Variants in BRD7 observed in about 807,000 individuals in gnomAD.
BRD7 encodes bromodomain-containing protein 7.
BRD7 carries 15 observed loss-of-function variants against 82.1 expected under a neutral mutation model. The ratio of observed to expected loss-of-function variants is 0.18; its 90% confidence interval spans 0.12 to 0.28. BRD7 has a LOEUF of 0.28. BRD7 is among the 10% of genes least tolerant of loss of function. The pLI, the probability that BRD7 is intolerant of heterozygous loss-of-function variation, is 1.00. For missense variants in BRD7, 638 were observed against 779.9 expected (o/e 0.82, Z 2.17); for synonymous variants, 232 against 266.9 (o/e 0.87, Z 1.27).
At chr16:50,350,900 G>A (rs978181935) in intron 4 of BRD7, among the ~76,000 whole-genome samples, 8 of 152,162 alleles carry the variant, frequency 5.3e-5, no homozygotes, top group African/African-American at 1.9e-4. Flanking sequence ...AAGCTCTTGG[G>A]GAAGAAGGGT....
intron 2 of BRD7, among the ~76,000 whole-genome samples, chr16:50,364,662 G>A (rs868726420): frequency 1.3e-5 from 2 of 152,274 alleles, no homozygotes; most frequent in South Asian, 2.1e-4. Context: ...TGGAACACAG[G>A]GGGGAGAACA....
intron 2 of BRD7, among the ~76,000 whole-genome samples, chr16:50,364,997 C>T (rs1028233077): frequency 1.3e-5 from 2 of 152,256 alleles, no homozygotes; most frequent in Admixed American, 6.5e-5. Flanking sequence ...CACGTCAACA[C>T]ACTTGGGAGA....
intron 2 of BRD7, among the ~76,000 whole-genome samples, chr16:50,363,472 C>T (rs2039005341): frequency 6.6e-6 from 1 of 152,108 alleles, no homozygotes; most frequent in African/African-American, 2.4e-5. Context: ...CACGTTGTAC[C>T]CCTAATGCTT....
At chr16:50,368,406 T>G (rs1400315372) in intron 1 of BRD7, 108 bp from the exon 2 acceptor site, 1 of 1,223,754 alleles carries the variant, frequency 8.2e-7, no homozygotes, top group East Asian at 2.5e-5. Context: ...CGAGGCGGCT[T>G]TGGGCGCTCC....
In BRD7 at chr16:50,328,657, C is replaced by A; in HGVS notation, c.1087+12G>T. On this transcript the variant is annotated intron_variant, in intron 9 of 16. Coordinates refer to ENST00000394688, the MANE Select transcript of BRD7 (RefSeq NM_013263.5). ...AGCATCAAGTTCATGCACAGTTTTA[C>A]TCTGATCCTACCTCCTACAATGGGA... is the stretch of plus-strand genomic sequence containing the variant. 1 of 1,610,544 alleles carries A rather than the reference C, an allele frequency of 6.2e-7. No homozygotes were observed.
At chr16:50,335,494 C>T (rs2037759602) in intron 6 of BRD7, among the ~76,000 whole-genome samples, 1 of 152,188 alleles carries the variant, frequency 6.6e-6, no homozygotes, top group Admixed American at 6.5e-5. Context: ...TAATTTTTCG[C>T]TGCAATGATG....
At chr16:50,349,557 T>G in intron 5 of BRD7, 1 of 469,760 alleles carries the variant, frequency 2.1e-6, no homozygotes, top group Non-Finnish European at 4.4e-6. Context: ...ATGTGTCCTG[T>G]ACAGCCTGTG....
chr16:50,362,306 TA>T (rs2038963896), intron 2 of BRD7, among the ~76,000 whole-genome samples: 2 of 152,198 alleles, frequency 1.3e-5, no homozygotes, highest in African/African-American at 4.8e-5. Context: ...TCTTTCAGAT[TA>T]AAGACCTCTT....
intron 4 of BRD7, among the ~76,000 whole-genome samples, chr16:50,351,679 T>C (rs2038529058): frequency 6.6e-6 from 1 of 152,222 alleles, no homozygotes; most frequent in Non-Finnish European, 1.5e-5. Context: ...ATTCCCAATG[T>C]CTTTAGACTA....
intron 4 of BRD7, among the ~76,000 whole-genome samples, chr16:50,351,493 T>C (rs527344400): frequency 6.6e-6 from 1 of 152,220 alleles, no homozygotes; most frequent in Non-Finnish European, 1.5e-5. Flanking sequence ...GAGGAAATTA[T>C]CTAACTCCTA....
chr16:50,344,080 C>T (rs189607153), intron 5 of BRD7, among the ~76,000 whole-genome samples: 5 of 152,256 alleles, frequency 3.3e-5, no homozygotes, highest in Non-Finnish European at 5.9e-5. Context: ...GAGGAAGGAT[C>T]GGGCAGCAAC....
At chr16:50,356,436 T>C (rs375198913) in intron 2 of BRD7, among the ~76,000 whole-genome samples, 10 of 152,204 alleles carry the variant, frequency 6.6e-5, no homozygotes, top group African/African-American at 2.2e-4. Context: ...CATATTTACA[T>C]AACAGGTAAT....
In BRD7 at chr16:50,320,291, G is replaced by A; in HGVS notation, c.1713C>T (p.Asn571=). The A allele has an allele frequency of 6.2e-7, 1 of 1,614,196 alleles. No homozygotes were observed. The highest frequency in any genetic ancestry group is 8.5e-7 in the Non-Finnish European group (1 of 1,180,024). ...NERLSTRPPP[N]MICLLGPSYR... is the part of the protein sequence containing the mutation. ...ATGAGGGACCCAAGAGACAGATCAT[G>A]TTCGGAGGGGGTCTGGTGCTCAAAC... Residue 571 remains asparagine, a synonymous_variant, in exon 15 of 17, where the codon AAC becomes AAT. Coordinates refer to ENST00000394688, the MANE Select transcript of BRD7 (RefSeq NM_013263.5).
intron 3 of BRD7, 41 bp from the exon 4 acceptor site, chr16:50,354,523 G>T: frequency 6.6e-7 from 1 of 1,503,858 alleles, no homozygotes; most frequent in Non-Finnish European, 9.2e-7. Context: ...TTAAAAAGGA[G>T]TATTCTAGAG....
intron 2 of BRD7, among the ~76,000 whole-genome samples, chr16:50,364,354 G>C (rs2039055207): frequency 6.6e-6 from 1 of 152,072 alleles, no homozygotes; most frequent in South Asian, 2.1e-4. Context: ...AGCTCACAGA[G>C]GCATCTCTAA....
chr16:50,327,722 T>C (rs1056321080), intron 9 of BRD7, among the ~76,000 whole-genome samples: 9 of 152,198 alleles, frequency 5.9e-5, no homozygotes, highest in African/African-American at 1.9e-4. Flanking sequence ...ATTATGATCA[T>C]AGCTGTTCTT....
In BRD7 at chr16:50,326,342, C is replaced by T. The variant is rs961699600; in HGVS notation, c.1137G>A (p.Gln379=). 1 of 1,604,248 alleles carries T rather than the reference C, an allele frequency of 6.2e-7. No individual in the cohort carries two copies. The change falls in exon 10 of 17, where the codon CAG becomes CAA. Residue 379 remains glutamine (Q), a synonymous_variant. Transcript: ENST00000394688. Reference sequence around the variant, plus strand: ...ACCCCTGCAAAGTATTCACTCCAGACTGAAGTCTTCCAGTTGTCATTCCCA... The same window carrying T: ...ACCCCTGCAAAGTATTCACTCCAGATTGAAGTCTTCCAGTTGTCATTCCCA... ...VRLGMTTGRL[Q]SGVNTLQGFK... is the part of the protein sequence containing the mutation.
intron 5 of BRD7, among the ~76,000 whole-genome samples, chr16:50,343,599 C>T (rs930863731): frequency 6.6e-6 from 1 of 152,174 alleles, no homozygotes; most frequent in African/African-American, 2.4e-5. Flanking sequence ...TCAGGACACT[C>T]CCACCCTAAT....
chr16:50,331,649 C>T (rs2037570989), intron 8 of BRD7, among the ~76,000 whole-genome samples: 1 of 152,196 alleles, frequency 6.6e-6, no homozygotes, highest in Admixed American at 6.5e-5. Flanking sequence ...CTGTAGTGAG[C>T]CAAGATTGTG....
Sources: allele counts gnomAD v4.1 joint callset (sites outside exome capture counted in the v4.1 genomes callset), GRCh38; gene constraint gnomAD v4.1.1; transcripts MANE v1.5; gene names NCBI Gene and HGNC (gene_info 2026-07-23, HGNC 2026-07-21).